The following DCAF8 variants were observed in gnomAD, a reference collection of about 807,000 sequenced individuals.
The protein encoded by DCAF8 is DDB1- and CUL4-associated factor 8.
Under a neutral mutation model 68.0 loss-of-function variants are expected in DCAF8, and 20 were observed. That is an observed-to-expected ratio of 0.29 (90% confidence interval 0.21 to 0.43). The LOEUF (loss-of-function observed/expected upper bound fraction) is 0.43, where lower values mean the gene tolerates loss of function less well. DCAF8 is among the 20% of genes least tolerant of loss of function. The probability of loss-of-function intolerance (pLI) is 1.00; values close to 1 mark genes in which losing one functional copy is unlikely to be tolerated. For synonymous variants in DCAF8, 230 were observed against 276.9 expected (o/e 0.83, Z 1.68); for missense variants, 460 against 771.0 (o/e 0.60, Z 4.78).
chr1:160,253,506 C>A (rs916465326), intron 2 of DCAF8, among the ~76,000 whole-genome samples: 1 of 151,696 alleles, frequency 6.6e-6, no homozygotes, highest in African/African-American at 2.4e-5. Flanking sequence ...AAATTAGCCA[C>A]ACGCGGTGGC....
At chr1:160,232,287 A>G (rs1488801664) in intron 6 of DCAF8, among the ~76,000 whole-genome samples, 1 of 152,074 alleles carries the variant, frequency 6.6e-6, no homozygotes, top group East Asian at 1.9e-4. Flanking sequence ...TGGGAGGAAC[A>G]CTTGAGGCTA....
At position 160,238,764 on chromosome 1, in the gene DCAF8, G is replaced by GA. The variant is rs758715268; in HGVS notation, c.724-18dup. ...AAACTTGGCCTGGGGTGTTAAAAAT[G>GA]AAAAAAAGGACACACAAAAGAAATG... On this transcript the variant is annotated splice_polypyrimidine_tract_variant and intron_variant, in intron 4 of 13. Coordinates refer to ENST00000368074, the MANE Select transcript of DCAF8 (RefSeq NM_015726.4). 9 of 1,572,564 alleles carry GA rather than the reference G, an allele frequency of 5.7e-6. No homozygotes were observed. The highest frequency in any genetic ancestry group is 4.7e-5 in the South Asian group (4 of 85,198).
At chr1:160,242,052 G>A (rs559299070) in intron 3 of DCAF8, among the ~76,000 whole-genome samples, 298 of 152,226 alleles carry the variant, frequency 2.0e-3, no homozygotes, top group Middle Eastern at 3.4e-3. Context: ...AGACCAGCCC[G>A]GCTAACATGG....
At chr1:160,225,479 C>G (rs1655442932) in intron 8 of DCAF8, 112 bp downstream of exon 8, 1 of 808,592 alleles carries the variant, frequency 1.2e-6, no homozygotes, top group African/African-American at 1.7e-5. Context: ...GGATTCAAAT[C>G]CAGATGACTG....
intron 2 of DCAF8, among the ~76,000 whole-genome samples, chr1:160,245,302 T>G (rs1283669712): frequency 6.6e-6 from 1 of 152,228 alleles, no homozygotes; most frequent in African/African-American, 2.4e-5. Context: ...CAGAATTTTA[T>G]TAAGCCCTTT....
chr1:160,225,250 A>C (rs1196514888), intron 8 of DCAF8, 131 bp from the exon 9 acceptor site: 1 of 872,388 alleles, frequency 1.1e-6, no homozygotes. Flanking sequence ...CAGAGACAAG[A>C]GTACAACTGA....
rs1655886029 is a variant in DCAF8, at chr1:160,236,349, T to C, written c.959+786A>G. 2.6e-5 allele frequency among the ~76,000 whole-genome samples: 4 copies of C among 152,146 alleles called. No individual in the cohort carries two copies. In the South Asian group the frequency reaches 6.3e-4, roughly 24 times the overall value. On this transcript the variant is annotated intron_variant, in intron 6 of 13. Coordinates refer to ENST00000368074, the MANE Select transcript of DCAF8 (RefSeq NM_015726.4). ...ATAAATACATATGTGTGTATATGTG[T>C]GTACATATGTGTGTATATAAACATA...
intron 6 of DCAF8, 147 bp from the exon 7 acceptor site, chr1:160,231,554 G>A: frequency 1.6e-6 from 1 of 633,982 alleles, no homozygotes; most frequent in Non-Finnish European, 2.7e-6. Flanking sequence ...TTCTCTGTTT[G>A]TTTTGTACGT....
Position 160,240,223 on chromosome 1 carries a change from C to T in DCAF8, c.197G>A (p.Gly66Asp). 1 of 1,614,112 alleles carries T rather than the reference C, an allele frequency of 6.2e-7. No homozygotes were observed. The highest frequency in any genetic ancestry group is 8.5e-7 in the Non-Finnish European group (1 of 1,180,024). Residue 66 changes from glycine (G) to aspartate (D), a missense_variant, in exon 4 of 14, where the codon GGC becomes GAC. Physicochemically the swap from Gly to Asp is moderately conservative, Grantham distance 94 (BLOSUM62 -1). Coordinates refer to ENST00000368074, the MANE Select transcript of DCAF8 (RefSeq NM_015726.4). ...GPNRTSTESR[G>D]TDTESSGEDK... ...TTCACCTGAGCTCTCTGTGTCTGTGCCTCGACTTTCTGTGCTGGTGCGGTT... is the reference window on the plus strand; with the variant it reads ...TTCACCTGAGCTCTCTGTGTCTGTGTCTCGACTTTCTGTGCTGGTGCGGTT...
chr1:160,240,255 A>G lies in DCAF8; in HGVS notation c.165T>C (p.Gly55=). ...TTTCTGTGCTGGTGCGGTTGGGGCCACCATCATCCCCAGTCAAGCTCAAAC... is the reference window on the plus strand; with the variant it reads ...TTTCTGTGCTGGTGCGGTTGGGGCCGCCATCATCCCCAGTCAAGCTCAAAC... The part of the protein sequence containing the change: ...DLSLSLTGDD[G]GPNRTSTESR... Residue 55 remains glycine, a synonymous_variant, in exon 4 of 14, where the codon GGT becomes GGC. Coordinates refer to ENST00000368074, the MANE Select transcript of DCAF8 (RefSeq NM_015726.4). The G allele has an allele frequency of 6.2e-7, 1 of 1,614,072 alleles. No homozygotes were observed. Among genetic ancestry groups the G allele is most frequent in the Non-Finnish European group, 8.5e-7 (1 of 1,180,030 alleles).
chr1:160,239,403 C>CA, intron 4 of DCAF8: 1 of 1,414,864 alleles, frequency 7.1e-7, no homozygotes, highest in East Asian at 2.5e-5. Context: ...GATTTGAACT[C>CA]AGGCAGTTTG....
At chr1:160,251,457 A>G (rs540244842) in intron 2 of DCAF8, among the ~76,000 whole-genome samples, 1 of 152,214 alleles carries the variant, frequency 6.6e-6, no homozygotes, top group African/African-American at 2.4e-5. Context: ...CCACACTCTA[A>G]TAGCATAGTG....
Position 160,231,393 on chromosome 1 carries a change from G to C in DCAF8, c.974C>G (p.Thr325Arg). ...QDRPASKLVV[T>R]KEKEKKVGLY... ...CCCCACTTTCTTCTCTTTCTCTTTT[G>C]TCACCACCAGTTTCCTTTAAGAGTA... Residue 325 changes from threonine (T) to arginine (R), a missense_variant, in exon 7 of 14, where the codon ACA becomes AGA. Physicochemically the swap from Thr to Arg is moderately conservative, Grantham distance 71. Coordinates refer to ENST00000368074, the MANE Select transcript of DCAF8 (RefSeq NM_015726.4). 6.2e-7 allele frequency: 1 copy of C among 1,613,664 alleles called. No individual in the cohort carries two copies. The highest frequency in any genetic ancestry group is 8.5e-7 in the Non-Finnish European group (1 of 1,179,684).
intron 2 of DCAF8, among the ~76,000 whole-genome samples, chr1:160,247,062 T>C (rs1656368546): frequency 6.6e-6 from 1 of 152,258 alleles, no homozygotes; most frequent in African/African-American, 2.4e-5. Flanking sequence ...ATCCAAACTA[T>C]CTTCTTCACT....
chr1:160,237,320 T>C, intron 5 of DCAF8, 91 bp from the exon 6 acceptor site: 4 of 869,686 alleles, frequency 4.6e-6, no homozygotes, highest in Non-Finnish European at 7.1e-6. Context: ...AGGGCTGCAC[T>C]TAAAATGTTC....
intron 11 of DCAF8, 99 bp downstream of exon 11, chr1:160,222,552 G>GT: frequency 6.7e-7 from 1 of 1,490,916 alleles, no homozygotes; most frequent in South Asian, 1.3e-5. Context: ...CTAAAACATG[G>GT]TATCATGTAG....
intron 3 of DCAF8, among the ~76,000 whole-genome samples, chr1:160,242,724 T>C (rs1186010038): frequency 4.6e-5 from 7 of 152,162 alleles, no homozygotes; most frequent in Admixed American, 1.3e-4. Flanking sequence ...TCAACTCCAG[T>C]ATGTAGAACA....
chr1:160,240,446 ATCTTCAC>A, intron 3 of DCAF8, 76 bp from the exon 4 acceptor site: 1 of 1,407,324 alleles, frequency 7.1e-7, no homozygotes, highest in Non-Finnish European at 9.5e-7. Context: ...AGTCTAAGAA[ATCTTCAC>A]ATCAAAAGAC....
intron 2 of DCAF8, among the ~76,000 whole-genome samples, chr1:160,250,423 A>G (rs4656892): frequency 0.64 from 93,482 of 146,590 alleles, 31,166 homozygotes; most frequent in African/African-American, 0.85. Flanking sequence ...CCAAGATCGC[A>G]CCATTGCACT....
Sources: allele counts gnomAD v4.1 joint callset (sites outside exome capture counted in the v4.1 genomes callset), GRCh38; gene constraint gnomAD v4.1.1; transcripts MANE v1.5; gene names NCBI Gene and HGNC (gene_info 2026-07-23, HGNC 2026-07-21).